The following SETBP1 variants were observed in gnomAD, a reference collection of about 807,000 sequenced individuals.
SETBP1 encodes SET binding protein 1.
In SETBP1, 9 loss-of-function variants were observed where a neutral mutation model predicts 101.0. The observed-to-expected ratio is 0.09, with a 90% confidence interval of 0.05 to 0.16. SETBP1 has a LOEUF of 0.16. Among genes scored for constraint, SETBP1 ranks in the 10% least tolerant of loss-of-function variants. SETBP1 has a pLI of 1.00. For missense variants in SETBP1, 1,858 were observed against 2,033.8 expected, an observed-to-expected ratio of 0.91 and a Z score of 1.66; for synonymous variants, 818 against 788.5, an observed-to-expected ratio of 1.04 and a Z score of -0.63.
intron 2 of SETBP1, among the ~76,000 whole-genome samples, chr18:44,800,326 G>A (rs2144771202): frequency 6.6e-6 from 1 of 152,146 alleles, no homozygotes; most frequent in Middle Eastern, 3.4e-3. Context: ...TTCTTTTGGG[G>A]GCTGGGAGTC....
At chr18:44,990,437 A>G (rs989339181) in intron 4 of SETBP1, among the ~76,000 whole-genome samples, 1 of 152,106 alleles carries the variant, frequency 6.6e-6, no homozygotes, top group African/African-American at 2.4e-5. Flanking sequence ...TTACAAAAAT[A>G]AAAGATTAGC....
At chr18:44,853,468 A>G (rs907616380) in intron 2 of SETBP1, among the ~76,000 whole-genome samples, 5 of 152,218 alleles carry the variant, frequency 3.3e-5, no homozygotes, top group Non-Finnish European at 7.3e-5. Flanking sequence ...GTCTCATTAC[A>G]GACATCGAAA....
rs1338093375 is a variant in SETBP1, at chr18:44,894,289, A to G, written c.540+25006A>G. ...ATGACTTCAATTTAGCCAGCAGTGC[A>G]GGAAGCGATTGTAAATATAAATTTG... is the stretch of plus-strand genomic sequence containing the variant. On this transcript the variant is annotated intron_variant, in intron 3 of 5. Transcript: ENST00000649279. Among the ~76,000 whole-genome samples, 3 of 152,196 alleles carry G rather than the reference A, an allele frequency of 2.0e-5. No homozygotes were observed. In the South Asian group the frequency reaches 6.2e-4, roughly 32 times the overall value.
At chr18:44,999,711 G>A (rs2072576282) in intron 4 of SETBP1, among the ~76,000 whole-genome samples, 1 of 152,182 alleles carries the variant, frequency 6.6e-6, no homozygotes, top group Non-Finnish European at 1.5e-5. Flanking sequence ...GCTAAACCTG[G>A]TGAATCCATT....
At chr18:44,743,810 G>C (rs925263948) in intron 2 of SETBP1, among the ~76,000 whole-genome samples, 2 of 152,156 alleles carry the variant, frequency 1.3e-5, no homozygotes, top group African/African-American at 2.4e-5. Flanking sequence ...TCACCCTGCT[G>C]CCATTGTCTG....
intron 3 of SETBP1, among the ~76,000 whole-genome samples, chr18:44,930,488 T>G (rs2070805212): frequency 6.6e-6 from 1 of 152,210 alleles, no homozygotes; most frequent in Admixed American, 6.5e-5. Flanking sequence ...TTTCTATTGA[T>G]TGGACTAGTT....
chr18:44,839,586 G>A (rs554265573), intron 2 of SETBP1, among the ~76,000 whole-genome samples: 10 of 152,302 alleles, frequency 6.6e-5, no homozygotes, highest in South Asian at 2.1e-4. Flanking sequence ...TGAGCTGCCA[G>A]CACTGGAAAT....
At chr18:44,888,545 C>T (rs1344404971) in intron 3 of SETBP1, among the ~76,000 whole-genome samples, 3 of 152,098 alleles carry the variant, frequency 2.0e-5, no homozygotes, top group Non-Finnish European at 4.4e-5. Flanking sequence ...GATAAGAAAG[C>T]TTTGTGCTTT....
At chr18:44,728,331 C>T (rs987185344) in intron 2 of SETBP1, among the ~76,000 whole-genome samples, 1 of 152,152 alleles carries the variant, frequency 6.6e-6, no homozygotes, top group Admixed American at 6.6e-5. Flanking sequence ...GACATGATCA[C>T]GTCTCCCTGT....
rs537893968 is a variant in SETBP1 at position 44,861,484 on chromosome 18, G to C, written c.487-7746G>C. On this transcript the variant is annotated intron_variant, in intron 2 of 5. Coordinates refer to ENST00000649279, the MANE Select transcript of SETBP1 (RefSeq NM_015559.3). ...CCTGACCTCATGATCTGCCCGCCTC[G>C]GCCTCCCAAAGTGGATTTCTTATTC... Among the ~76,000 whole-genome samples, 6 of 151,472 alleles carry C rather than the reference G, an allele frequency of 4.0e-5. 1 individual carries two copies. The highest frequency in any genetic ancestry group is 3.9e-4 in the Admixed American group (6 of 15,196).
chr18:44,706,318 G>A (rs941708827), intron 2 of SETBP1, among the ~76,000 whole-genome samples: 1 of 151,988 alleles, frequency 6.6e-6, no homozygotes, highest in Non-Finnish European at 1.5e-5. Context: ...GGGCACAGTG[G>A]CTCCTGCCTG....
At chr18:44,799,630 G>A (rs2071559464) in intron 2 of SETBP1, among the ~76,000 whole-genome samples, 2 of 152,170 alleles carry the variant, frequency 1.3e-5, no homozygotes, top group African/African-American at 4.8e-5. Flanking sequence ...GCTTGAAGAA[G>A]GAGGATCAGT....
At chr18:45,013,444 GT>G (rs1271940540) in intron 4 of SETBP1, among the ~76,000 whole-genome samples, 1 of 140,186 alleles carries the variant, frequency 7.1e-6, no homozygotes, top group Non-Finnish European at 1.5e-5. Flanking sequence ...CTTTTTTTTT[GT>G]TTTTTGTTTT....
chr18:44,782,274 T>C lies in SETBP1; in HGVS notation c.486+80442T>C, dbSNP rs182704435. Among the ~76,000 whole-genome samples, 506 of 152,122 alleles carry C rather than the reference T, an allele frequency of 3.3e-3. 3 individuals are homozygous for C. The highest frequency in any genetic ancestry group is 0.02 in the South Asian group (98 of 4,812). On this transcript the variant is annotated intron_variant, in intron 2 of 5. Transcript: ENST00000649279. ...CAAGATCTGAACTTTCACACCCTGA[T>C]AAGGATTTCCTGGTATTTACAACAT...
At chr18:44,916,605 T>C (rs2070433007) in intron 3 of SETBP1, among the ~76,000 whole-genome samples, 1 of 152,224 alleles carries the variant, frequency 6.6e-6, no homozygotes, top group Non-Finnish European at 1.5e-5. Flanking sequence ...GCATGAACTG[T>C]TGTTGCCCTA....
intron 2 of SETBP1, among the ~76,000 whole-genome samples, chr18:44,840,557 A>C (rs1167905710): frequency 6.6e-6 from 1 of 152,238 alleles, no homozygotes; most frequent in Non-Finnish European, 1.5e-5. Flanking sequence ...ATCTTAAAAT[A>C]CACTTCTTTG....
intron 4 of SETBP1, among the ~76,000 whole-genome samples, chr18:45,006,982 A>G (rs1035582324): frequency 6.6e-6 from 1 of 152,204 alleles, no homozygotes; most frequent in East Asian, 1.9e-4. Context: ...CTCATCTCCC[A>G]TGGAGCTGTA....
At chr18:44,784,287 CT>C (rs1204046024) in intron 2 of SETBP1, among the ~76,000 whole-genome samples, 2 of 152,172 alleles carry the variant, frequency 1.3e-5, no homozygotes, top group Non-Finnish European at 2.9e-5. Context: ...TTCATTCATT[CT>C]TATAACATTC....
At chr18:44,871,177 C>T (rs895218999) in intron 3 of SETBP1, 1 of 152,116 alleles carries the variant, frequency 6.6e-6, no homozygotes, top group African/African-American at 2.4e-5. Flanking sequence ...AACTGGTGGC[C>T]AGGGTGTAAT....
Sources: allele counts gnomAD v4.1 joint callset (sites outside exome capture counted in the v4.1 genomes callset), GRCh38; gene constraint gnomAD v4.1.1; transcripts MANE v1.5; gene names NCBI Gene and HGNC (gene_info 2026-07-23, HGNC 2026-07-21).